CALD1: variants seen among roughly 807,000 people sequenced by gnomAD.
CALD1 encodes the protein caldesmon 1.
Under a neutral mutation model 99.9 loss-of-function variants are expected in CALD1, and 33 were observed. That is an observed-to-expected ratio of 0.33 (90% CI 0.25 to 0.44). CALD1 has a LOEUF of 0.44. Ranked by LOEUF, CALD1 falls within the 20% of genes least tolerant of loss-of-function variation. CALD1 has a pLI of 1.00. For missense variants in CALD1, 861 were observed against 962.1 expected, an observed-to-expected ratio of 0.89 and a Z score of 1.39; for synonymous variants, 310 against 325.0, an observed-to-expected ratio of 0.95 and a Z score of 0.50.
chr7:134,965,661 G>A (rs140526913), intron 14 of CALD1, among the ~76,000 whole-genome samples: 6 of 152,226 alleles, frequency 3.9e-5, no homozygotes, highest in African/African-American at 9.6e-5. Flanking sequence ...GCAGAAGGCC[G>A]TATGGGATAC....
At chr7:134,853,846 C>T (rs10268168) in intron 2 of CALD1, among the ~76,000 whole-genome samples, 121,429 of 148,184 alleles carry the variant, frequency 0.82, 50,118 homozygotes, top group East Asian at 0.99. Flanking sequence ...CTCCTAATGC[C>T]ATCCCTCCCG....
In CALD1 at chr7:134,970,693, C is replaced by T. The variant is rs910574674; in HGVS notation, c.*2348C>T. The T allele has an allele frequency of 7.9e-5, 12 of 152,304 alleles. No homozygotes were observed. Among genetic ancestry groups the T allele is most frequent in the African/African-American group, 2.4e-4 (10 of 41,412 alleles). The allele number at this position is 152,304 out of a possible 1,614,324, so 9.4% of individuals were successfully genotyped here. A position where few individuals can be genotyped will look rare whatever the true frequency, so the allele number is the denominator to read the frequency against. On this transcript the variant is annotated 3_prime_UTR_variant, in exon 15 of 15. Transcript: ENST00000361675. Reference sequence around the variant, plus strand: ...ACAATATTGATAGTGAGAGGTATGTCTATTATAATAAAGATTATGGCACAG... The same window carrying T: ...ACAATATTGATAGTGAGAGGTATGTTTATTATAATAAAGATTATGGCACAG...
chr7:134,798,103 GTTTC>G (rs1284607079), intron 1 of CALD1, among the ~76,000 whole-genome samples: 1 of 152,124 alleles, frequency 6.6e-6, no homozygotes, highest in African/African-American at 2.4e-5. Flanking sequence ...ATTGTTTTAG[GTTTC>G]TTTAAGCCCC....
chr7:134,940,509 A>G (rs1423757969), intron 6 of CALD1, among the ~76,000 whole-genome samples: 4 of 152,110 alleles, frequency 2.6e-5, no homozygotes, highest in Admixed American at 1.3e-4. Context: ...CAGACCCCAC[A>G]TATCTTTGGA....
At chr7:134,850,688 G>A (rs1037438) in intron 2 of CALD1, among the ~76,000 whole-genome samples, 127,326 of 152,094 alleles carry the variant, frequency 0.84, 53,763 homozygotes, top group East Asian at 0.99. Flanking sequence ...TCAGCCATCA[G>A]TGAAAGACAG....
At chr7:134,909,663 C>G (rs1373451753) in intron 3 of CALD1, among the ~76,000 whole-genome samples, 1 of 152,022 alleles carries the variant, frequency 6.6e-6, no homozygotes, top group Non-Finnish European at 1.5e-5. Flanking sequence ...AGCCTGGGAG[C>G]CTGGGTGACA....
chr7:134,729,933 A>T, the CALD1 span, among the ~76,000 whole-genome samples: 3 of 152,170 alleles, frequency 2.0e-5, no homozygotes, highest in Non-Finnish European at 4.4e-5. Context: ...GATGGGATTT[A>T]TGCTCCTGGA....
intron 1 of CALD1, among the ~76,000 whole-genome samples, chr7:134,838,268 C>T (rs758426899): frequency 6.6e-6 from 1 of 152,046 alleles, no homozygotes; most frequent in Non-Finnish European, 1.5e-5. Context: ...GATTCTCATA[C>T]AGACATAAAC....
chr7:134,883,983 T>C (rs548460019), intron 3 of CALD1, among the ~76,000 whole-genome samples: 8 of 152,150 alleles, frequency 5.3e-5, no homozygotes, highest in Non-Finnish European at 1.2e-4. Context: ...ATGCCTGTAA[T>C]CCCAGCTACC....
intron 7 of CALD1, among the ~76,000 whole-genome samples, chr7:134,946,555 C>A (rs1243262819): frequency 2.0e-5 from 3 of 152,122 alleles, no homozygotes; most frequent in African/African-American, 7.2e-5. Context: ...TACTTTAGAT[C>A]CCTCATATAA....
chr7:134,851,954 A>T (rs1295423732), intron 2 of CALD1, among the ~76,000 whole-genome samples: 1 of 152,234 alleles, frequency 6.6e-6, no homozygotes, highest in Non-Finnish European at 1.5e-5. Flanking sequence ...AGAATTCTTA[A>T]GCTTTTCAAT....
intron 3 of CALD1, among the ~76,000 whole-genome samples, chr7:134,872,506 G>A (rs1801146143): frequency 1.3e-5 from 2 of 152,076 alleles, no homozygotes; most frequent in South Asian, 4.1e-4. Flanking sequence ...TTGGCAAAAA[G>A]GAAGGAAGTA....
At chr7:134,847,649 T>C (rs1799907416) in intron 2 of CALD1, among the ~76,000 whole-genome samples, 1 of 152,198 alleles carries the variant, frequency 6.6e-6, no homozygotes, top group African/African-American at 2.4e-5. Flanking sequence ...CGTGCAGCTT[T>C]AGTAACCTTG....
chr7:134,735,330 G>A, the CALD1 span, among the ~76,000 whole-genome samples: 1 of 152,176 alleles, frequency 6.6e-6, no homozygotes, highest in Admixed American at 6.5e-5. Flanking sequence ...GTTTGGAGTG[G>A]TCTTGATGGG....
chr7:134,921,330 T>C (rs908870396), intron 3 of CALD1, among the ~76,000 whole-genome samples: 5 of 152,248 alleles, frequency 3.3e-5, no homozygotes, highest in Non-Finnish European at 7.3e-5. Flanking sequence ...TAAGCAATTG[T>C]CATGAGATCT....
intron 1 of CALD1, among the ~76,000 whole-genome samples, chr7:134,764,851 G>C (rs1282825437): frequency 6.6e-6 from 1 of 152,142 alleles, no homozygotes; most frequent in East Asian, 1.9e-4. Context: ...TGGGGCTGGT[G>C]CCAAGGAGGT....
intron 1 of CALD1, among the ~76,000 whole-genome samples, chr7:134,835,957 C>G (rs777399440): frequency 7.3e-5 from 11 of 151,714 alleles, no homozygotes; most frequent in Non-Finnish European, 1.2e-4. Flanking sequence ...CCAGCCTGGC[C>G]AACATGGTGA....
At chr7:134,719,901 G>A in the CALD1 span, among the ~76,000 whole-genome samples, 1 of 152,106 alleles carries the variant, frequency 6.6e-6, no homozygotes. Flanking sequence ...CACATCAATC[G>A]CCAAAGATGC....
At chr7:134,917,658 A>G (rs898196605) in intron 3 of CALD1, among the ~76,000 whole-genome samples, 3 of 152,104 alleles carry the variant, frequency 2.0e-5, no homozygotes, top group Non-Finnish European at 4.4e-5. Flanking sequence ...CCTATTTAAA[A>G]TTCTTACTCA....
Sources: gnomAD v4.1 joint callset for allele counts (sites outside exome capture counted in the v4.1 genomes callset) on GRCh38, gnomAD v4.1.1 for gene constraint, MANE v1.5 for transcripts, NCBI Gene and HGNC (gene_info 2026-07-23, HGNC 2026-07-21) for gene names.